Variants in IRF6 observed in about 807,000 individuals in gnomAD.
The protein encoded by IRF6 is interferon regulatory factor 6.
A neutral mutation model predicts 51.4 loss-of-function variants in IRF6; 6 were observed. The ratio of observed to expected loss-of-function variants is 0.12; its 90% confidence interval spans 0.06 to 0.23. The LOEUF (loss-of-function observed/expected upper bound fraction) is 0.23. Among genes scored for constraint, IRF6 ranks in the 10% least tolerant of loss-of-function variants. The probability of loss-of-function intolerance (pLI) is 1.00; values close to 1 mark genes in which losing one functional copy is unlikely to be tolerated. For synonymous variants in IRF6, 178 were observed against 215.7 expected, an observed-to-expected ratio of 0.83 and a Z score of 1.53; for missense variants, 348 against 585.2, an observed-to-expected ratio of 0.59 and a Z score of 4.18.
Position 209,789,707 on chromosome 1 carries a change from G to A in IRF6, c.1139C>T (p.Pro380Leu). 1 of 1,613,864 alleles carries A rather than the reference G, an allele frequency of 6.2e-7. No individual in the cohort carries two copies. The change falls in exon 8 of 9, where the codon CCA (proline) becomes CTA (leucine). Residue 380 changes from proline (P) to leucine (L), a missense_variant. Coordinates refer to ENST00000367021, the MANE Select transcript of IRF6 (RefSeq NM_006147.4). Reference protein sequence around the residue: ...EIYLCFGEEWPDGKPLERKLI... With the variant: ...EIYLCFGEEWLDGKPLERKLI... Reference sequence around the variant, plus strand: ...TTTCCTTTCCAATGGTTTCCCATCTGGCCATTCTTCCCCAAAGCATAAGTA... The same window carrying A: ...TTTCCTTTCCAATGGTTTCCCATCTAGCCATTCTTCCCCAAAGCATAAGTA...
intron 1 of IRF6, among the ~76,000 whole-genome samples, chr1:209,803,549 T>C (rs1361842996): frequency 6.6e-6 from 1 of 152,124 alleles, no homozygotes; most frequent in East Asian, 1.9e-4. Flanking sequence ...CTCAGTGTTC[T>C]CCTAAGATGG....
In IRF6 at chr1:209,796,638, C is replaced by CAA. The variant is rs1198728241; in HGVS notation, c.175-87_175-86insTT. On this transcript the variant is annotated intron_variant, in intron 3 of 8. Coordinates refer to ENST00000367021, the MANE Select transcript of IRF6 (RefSeq NM_006147.4). This position sits in a 1 kb window ranked among gnomAD's most constrained non-coding sequence, Gnocchi z 4.5. ...TTACCCTTTCTCATAGACACAAACA[C>CAA]ACACACACACACACACACACACACA... The CAA allele has an allele frequency of 2.5e-5, 11 of 448,766 alleles. No homozygotes were observed. The East Asian group carries it at 6.9e-4, about 28-fold the overall frequency. The allele number at this position is 448,766 out of a possible 1,614,324, so 27.8% of individuals were successfully genotyped here. A position where few individuals can be genotyped will look rare whatever the true frequency, so the allele number is the denominator to read the frequency against.
intron 6 of IRF6, among the ~76,000 whole-genome samples, chr1:209,792,016 C>T (rs2077871822): frequency 1.3e-5 from 2 of 152,064 alleles, no homozygotes; most frequent in South Asian, 4.1e-4. Flanking sequence ...AAACTCCTGG[C>T]CTCAAGCACT....
At chr1:209,803,656 C>G (rs1461567079) in intron 1 of IRF6, among the ~76,000 whole-genome samples, 2 of 152,166 alleles carry the variant, frequency 1.3e-5, no homozygotes, top group East Asian at 3.8e-4. Context: ...TAAACCCTCT[C>G]CACCTTCTGA....
rs898613684 is a variant in IRF6, at chr1:209,786,815, A to G, written c.*1605T>C. On this transcript the variant is annotated 3_prime_UTR_variant, in exon 9 of 9. Transcript: ENST00000367021. ...TGATTTTGAACTTTTAGTTTTTAAA[A>G]TAAGGCTAGCTCAACTTTTGAGTCA... The G allele has an allele frequency of 6.6e-6, 1 of 152,222 alleles. No individual in the cohort carries two copies. The highest frequency in any genetic ancestry group is 3.2e-3 in the Middle Eastern group (1 of 316). The allele number at this position is 152,222 out of a possible 1,614,324, so 9.4% of individuals were successfully genotyped here.
At position 209,803,130 on chromosome 1, in the gene IRF6, C is replaced by T. The variant is rs17015239; in HGVS notation, c.-75-1087G>A. ...TAGGGCAGCATGTGAAACCATCAAACCATGGAGTGCATTATAAGCCTTATA... is the reference window on the plus strand; with the variant it reads ...TAGGGCAGCATGTGAAACCATCAAATCATGGAGTGCATTATAAGCCTTATA... On this transcript the variant is annotated intron_variant, in intron 1 of 8. Transcript: ENST00000367021. Among the ~76,000 whole-genome samples, 1,376 of 152,246 alleles carry T rather than the reference C, an allele frequency of 9.0e-3. 27 individuals are homozygous for T. Among genetic ancestry groups the T allele is most frequent in the African/African-American group, 0.032 (1,309 of 41,536 alleles).
At chr1:209,795,444 G>A in intron 4 of IRF6, 26 bp from the exon 5 acceptor site, 2 of 1,613,074 alleles carry the variant, frequency 1.2e-6, no homozygotes, top group South Asian at 1.1e-5. Flanking sequence ...AAGCTCGCAG[G>A]TGAGCCATTC....
At chr1:209,797,879 A>G (rs1196526910) in intron 3 of IRF6, among the ~76,000 whole-genome samples, 3 of 152,164 alleles carry the variant, frequency 2.0e-5, no homozygotes, top group Non-Finnish European at 4.4e-5. Context: ...CCATTAGCAG[A>G]CAGCTCAAGA....
At chr1:209,804,855 G>A (rs1027194043) in intron 1 of IRF6, among the ~76,000 whole-genome samples, 5 of 152,160 alleles carry the variant, frequency 3.3e-5, no homozygotes, top group African/African-American at 1.2e-4. Flanking sequence ...GTTTTGCTCA[G>A]GTTAAAACAC....
chr1:209,797,370 CAAAA>C (rs11418099), intron 3 of IRF6, among the ~76,000 whole-genome samples: 16 of 48,592 alleles, frequency 3.3e-4, no homozygotes, highest in African/African-American at 1.4e-3. Context: ...AACTTCATCT[CAAAA>C]AAAAAAAAAA....
intron 5 of IRF6, 77 bp from the exon 6 acceptor site, chr1:209,792,504 A>G (rs2077875518): frequency 2.0e-6 from 3 of 1,504,770 alleles, no homozygotes; most frequent in African/African-American, 2.7e-5. Context: ...AGAACTCACA[A>G]GGTCAGTAGA....
At chr1:209,795,594 G>A (rs971420723) in intron 4 of IRF6, among the ~76,000 whole-genome samples, 176 bp from the exon 5 acceptor site, 35 of 152,182 alleles carry the variant, frequency 2.3e-4, no homozygotes, top group African/African-American at 8.0e-4. Context: ...TTCTCTCATG[G>A]AAGGACCTCC....
At chr1:209,800,270 C>G (rs1051620411) in intron 3 of IRF6, among the ~76,000 whole-genome samples, 18 of 152,140 alleles carry the variant, frequency 1.2e-4, no homozygotes, top group African/African-American at 4.3e-4. Context: ...CTACTTCTGT[C>G]TTAAGTCAAG....
At chr1:209,788,757 C>T in intron 8 of IRF6, 113 bp from the exon 9 acceptor site, 1 of 775,362 alleles carries the variant, frequency 1.3e-6, no homozygotes, top group Non-Finnish European at 2.2e-6. Flanking sequence ...AGACCCCATT[C>T]TGATGTCTAA....
intron 5 of IRF6, 89 bp downstream of exon 5, chr1:209,795,201 G>T: frequency 6.9e-7 from 1 of 1,442,456 alleles, no homozygotes; most frequent in East Asian, 2.3e-5. Context: ...CTGCTTTCAG[G>T]GCAGTGGTGG....
chr1:209,796,502 G>T lies in IRF6; in HGVS notation c.225C>A (p.Asp75Glu), dbSNP rs1308973974. 2 of 1,613,592 alleles carry T rather than the reference G, an allele frequency of 1.2e-6. No individual in the cohort carries two copies. Among genetic ancestry groups the T allele is most frequent in the Non-Finnish European group, 1.7e-6 (2 of 1,180,046 alleles). Residue 75 changes from aspartate to glutamate, a missense_variant, in exon 4 of 9, where the codon GAC (aspartate) becomes GAA (glutamate). Transcript: ENST00000367021. This position sits in a 1 kb window ranked among gnomAD's most constrained non-coding sequence, Gnocchi z 4.5. ...GKYQEGVDDP[D>E]PAKWKAQLRC... ...GCAGCTGGGCCTTCCATTTAGCTGG[G>T]TCAGGGTCATCCACCCCTTCCTGGT...
chr1:209,792,184 CA>C, intron 6 of IRF6, 84 bp downstream of exon 6: 1 of 1,447,106 alleles, frequency 6.9e-7, no homozygotes. Flanking sequence ...CAATACATGG[CA>C]AAGAAATGAA....
At chr1:209,803,095 C>T (rs1189226692) in intron 1 of IRF6, among the ~76,000 whole-genome samples, 5 of 152,150 alleles carry the variant, frequency 3.3e-5, no homozygotes, top group Admixed American at 1.3e-4. Flanking sequence ...CCTTGAATTA[C>T]GGTGTTTTGT....
chr1:209,794,946 C>A (rs552661939), intron 5 of IRF6, among the ~76,000 whole-genome samples: 2 of 152,080 alleles, frequency 1.3e-5, no homozygotes, highest in African/African-American at 4.8e-5. Flanking sequence ...GCCCGTAACT[C>A]GAAAAAATGA....
Sources: allele counts gnomAD v4.1 joint callset (sites outside exome capture counted in the v4.1 genomes callset), GRCh38; gene constraint gnomAD v4.1.1; non-coding constraint Gnocchi (gnomAD v3.1); transcripts MANE v1.5; gene names NCBI Gene and HGNC (gene_info 2026-07-23, HGNC 2026-07-21).